The following PTPN13 variants were observed in gnomAD, a reference collection of about 807,000 sequenced individuals.
PTPN13 encodes the protein protein tyrosine phosphatase non-receptor type 13, also known as tyrosine-protein phosphatase non-receptor type 13.
PTPN13 carries 191 observed loss-of-function variants against 284.0 expected under a neutral mutation model. The ratio of observed to expected loss-of-function variants is 0.67; its 90% CI spans 0.60 to 0.76. The LOEUF (loss-of-function observed/expected upper bound fraction) is 0.76, where lower values mean the gene tolerates loss of function less well. PTPN13 is among the 30% of genes least tolerant of loss of function. The pLI, the probability that PTPN13 is intolerant of heterozygous loss-of-function variation, is 0.00. For synonymous variants in PTPN13, 986 were observed against 1,022.3 expected (o/e 0.96, Z 0.68); for missense variants, 2,797 against 2,939.9 (o/e 0.95, Z 1.12).
intron 7 of PTPN13, among the ~76,000 whole-genome samples, chr4:86,704,729 T>C (rs1478426786): frequency 6.6e-6 from 1 of 152,192 alleles, no homozygotes; most frequent in Non-Finnish European, 1.5e-5. Context: ...AATCTTGAAA[T>C]CTTTTTAACT....
chr4:86,654,710 A>G (rs1300168454), intron 2 of PTPN13, among the ~76,000 whole-genome samples: 1 of 152,182 alleles, frequency 6.6e-6, no homozygotes, highest in Admixed American at 6.5e-5. Context: ...AGAAGAATGT[A>G]TATTCTGTTG....
chr4:86,738,059 T>G (rs961418894), intron 15 of PTPN13, among the ~76,000 whole-genome samples: 3 of 151,986 alleles, frequency 2.0e-5, no homozygotes, highest in Non-Finnish European at 4.4e-5. Flanking sequence ...ATCCATGGTG[T>G]GGTATATATC....
intron 9 of PTPN13, among the ~76,000 whole-genome samples, chr4:86,720,883 T>C (rs968756910): frequency 6.6e-6 from 1 of 152,106 alleles, no homozygotes; most frequent in Non-Finnish European, 1.5e-5. Context: ...ATGAGTAATT[T>C]TTTTATACTG....
At chr4:86,637,394 C>A (rs1723152302) in intron 2 of PTPN13, among the ~76,000 whole-genome samples, 1 of 151,980 alleles carries the variant, frequency 6.6e-6, no homozygotes. Flanking sequence ...AATTTTAGAC[C>A]AATATCCTTG....
chr4:86,750,804 C>T lies in PTPN13; in HGVS notation c.2985C>T (p.Thr995=), dbSNP rs745717655. The change falls in exon 18 of 48, where the codon ACC becomes ACT. Residue 995 remains threonine (T), a synonymous_variant. Coordinates refer to ENST00000411767, the MANE Select transcript of PTPN13 (RefSeq NM_080683.3). ...TTAACATGGAACCCCCACCACAAAC[C>T]GTTGCAGAGTTGGTGGGAAAACCTT... is the stretch of plus-strand genomic sequence containing the variant. The part of the protein sequence containing the change: ...VIVNMEPPPQ[T]VAELVGKPSH... The T allele has an allele frequency of 1.6e-4, 252 of 1,613,672 alleles. 1 individual carries two copies. Among genetic ancestry groups the T allele is most frequent in the Admixed American group, 6.7e-5 (4 of 59,982 alleles).
intron 23 of PTPN13, among the ~76,000 whole-genome samples, chr4:86,762,047 A>G (rs554501798): frequency 6.6e-6 from 1 of 152,348 alleles, no homozygotes; most frequent in East Asian, 1.9e-4. Flanking sequence ...ATCACTGCTC[A>G]CTGCAGGCTC....
intron 2 of PTPN13, among the ~76,000 whole-genome samples, chr4:86,636,348 C>T (rs1057494994): frequency 2.0e-5 from 3 of 152,128 alleles, no homozygotes; most frequent in Admixed American, 2.0e-4. Flanking sequence ...TGTCCAAAAA[C>T]ATTTGATATC....
At chr4:86,758,898 A>G (rs1738330446) in intron 22 of PTPN13, 44 bp from the exon 23 acceptor site, 1 of 1,596,014 alleles carries the variant, frequency 6.3e-7, no homozygotes, top group Non-Finnish European at 8.5e-7. Flanking sequence ...TTCAGAATAA[A>G]TGTATCTTTG....
At chr4:86,650,604 G>A in intron 2 of PTPN13, among the ~76,000 whole-genome samples, 1 of 152,166 alleles carries the variant, frequency 6.6e-6, no homozygotes, top group African/African-American at 2.4e-5. Flanking sequence ...CACCCAGCCT[G>A]TTTTATAGTT....
At chr4:86,741,929 T>C in intron 16 of PTPN13, 113 bp downstream of exon 16, 1 of 797,816 alleles carries the variant, frequency 1.3e-6, no homozygotes, top group Non-Finnish European at 1.9e-6. Context: ...ATAATACATC[T>C]TAATACTATT....
rs75546538 is a variant in PTPN13 at position 86,671,272 on chromosome 4, A to G, written c.116-1093A>G. 4.9e-3 allele frequency among the ~76,000 whole-genome samples: 740 copies of G among 152,316 alleles called. 2 individuals are homozygous for G. The highest frequency in any genetic ancestry group is 0.017 in the African/African-American group (696 of 41,576). On this transcript the variant is annotated intron_variant, in intron 2 of 47. Coordinates refer to ENST00000411767, the MANE Select transcript of PTPN13 (RefSeq NM_080683.3). The stretch of plus-strand genomic sequence containing the variant: ...AAATTCAGTTCTGGTTGTTTTCAGG[A>G]AAGTATAGATACTGTATGATAAACT...
At chr4:86,735,993 T>C (rs1735452741) in intron 15 of PTPN13, among the ~76,000 whole-genome samples, 1 of 152,234 alleles carries the variant, frequency 6.6e-6, no homozygotes, top group South Asian at 2.1e-4. Flanking sequence ...TCTATCTGGC[T>C]GTTAATCCTA....
intron 19 of PTPN13, among the ~76,000 whole-genome samples, chr4:86,752,085 T>G (rs1737457654): frequency 6.6e-6 from 1 of 152,106 alleles, no homozygotes; most frequent in Admixed American, 6.6e-5. Context: ...GAGTCGATCT[T>G]TGAAAAGAAT....
intron 42 of PTPN13, among the ~76,000 whole-genome samples, chr4:86,801,474 T>G (rs532425185): frequency 3.3e-4 from 50 of 152,332 alleles, no homozygotes; most frequent in Non-Finnish European, 5.3e-4. Context: ...AAGTTGCATG[T>G]GTTATGCAGA....
chr4:86,691,879 G>A (rs1360703299), intron 5 of PTPN13, among the ~76,000 whole-genome samples: 1 of 152,126 alleles, frequency 6.6e-6, no homozygotes, highest in African/African-American at 2.4e-5. Context: ...ACATTAATTA[G>A]CGTGAGTAAA....
At chr4:86,656,370 G>T (rs1725809451) in intron 2 of PTPN13, among the ~76,000 whole-genome samples, 1 of 152,130 alleles carries the variant, frequency 6.6e-6, no homozygotes, top group Non-Finnish European at 1.5e-5. Flanking sequence ...CATCTTTCTG[G>T]TTTTATCTAC....
At chr4:86,798,976 G>C (rs1320247230) in intron 41 of PTPN13, 125 bp from the exon 42 acceptor site, 2 of 591,860 alleles carry the variant, frequency 3.4e-6, no homozygotes, top group Non-Finnish European at 5.7e-6. Flanking sequence ...AAGAATTGTG[G>C]CTTTGGTTTT....
At chr4:86,710,431 A>G (rs1472279517) in intron 7 of PTPN13, among the ~76,000 whole-genome samples, 2 of 152,170 alleles carry the variant, frequency 1.3e-5, no homozygotes, top group Non-Finnish European at 1.5e-5. Context: ...CTAGATTACA[A>G]TTTGTGTTGG....
chr4:86,810,853 T>TA (rs1415813094), intron 46 of PTPN13, among the ~76,000 whole-genome samples, 193 bp from the exon 47 acceptor site: 1 of 152,190 alleles, frequency 6.6e-6, no homozygotes. Flanking sequence ...CCTAGAAAGA[T>TA]AAAAAATAAG....
Sources: gnomAD v4.1 joint callset for allele counts (sites outside exome capture counted in the v4.1 genomes callset) on GRCh38, gnomAD v4.1.1 for gene constraint, MANE v1.5 for transcripts, NCBI Gene and HGNC (gene_info 2026-07-23, HGNC 2026-07-21) for gene names.